The following RNF220 variants were observed in gnomAD, a reference collection of about 807,000 sequenced individuals.
RNF220 encodes the protein ring finger protein 220.
In RNF220, 7 loss-of-function variants were observed where a neutral mutation model predicts 67.1. That is an observed-to-expected ratio of 0.10 (90% CI 0.06 to 0.20). RNF220 has a LOEUF of 0.20. RNF220 is among the 10% of genes least tolerant of loss of function. The pLI, the probability that RNF220 is intolerant of heterozygous loss-of-function variation, is 1.00. For missense variants in RNF220, 565 were observed against 740.3 expected, an observed-to-expected ratio of 0.76 and a Z score of 2.75; for synonymous variants, 270 against 283.2, an observed-to-expected ratio of 0.95 and a Z score of 0.47.
At position 44,547,777 on chromosome 1, in the gene RNF220, G is replaced by A. The variant is rs561587817; in HGVS notation, c.626-66388G>A. Among the ~76,000 whole-genome samples the A allele has an allele frequency of 9.2e-5, 14 of 152,030 alleles. 1 individual carries two copies. In the South Asian group the frequency reaches 1.5e-3, roughly 16 times the overall value. On this transcript the variant is annotated intron_variant, in intron 2 of 14. Transcript: ENST00000361799. ...CAATAGACATCTCAAAATTCAATCC[G>A]CCATGTAGCCCCAACTCCCATGATA...
intron 2 of RNF220, among the ~76,000 whole-genome samples, chr1:44,497,982 A>C (rs937554422): frequency 6.6e-6 from 1 of 152,184 alleles, no homozygotes; most frequent in Non-Finnish European, 1.5e-5. Context: ...TTAAGCAAAA[A>C]CCAGTGGGGA....
intron 2 of RNF220, among the ~76,000 whole-genome samples, chr1:44,491,587 G>T (rs1346510509): frequency 7.9e-5 from 12 of 151,894 alleles, no homozygotes; most frequent in Admixed American, 7.9e-4. Context: ...AATAGAAGGG[G>T]CCTTCCTCCA....
At chr1:44,489,043 A>C (rs1289969044) in intron 2 of RNF220, among the ~76,000 whole-genome samples, 1 of 152,110 alleles carries the variant, frequency 6.6e-6, no homozygotes, top group Non-Finnish European at 1.5e-5. Context: ...ATTCTATTGT[A>C]TTTAATTAAA....
At chr1:44,416,230 C>T (rs1017823518) in intron 2 of RNF220, among the ~76,000 whole-genome samples, 2 of 152,186 alleles carry the variant, frequency 1.3e-5, no homozygotes, top group African/African-American at 4.8e-5. Flanking sequence ...TGAGGTAACT[C>T]CTGCTTATTG....
chr1:44,622,674 G>C lies in RNF220; in HGVS notation c.759-68G>C. ...CCTTCTCTGTCTTTGGGGTCTTCTT[G>C]CTACTCTACCGTTGCATGCCCTGGG... On this transcript the variant is annotated intron_variant, in intron 3 of 14. Coordinates refer to ENST00000361799, the MANE Select transcript of RNF220 (RefSeq NM_018150.4). The surrounding 1 kb of genome is among the most constrained non-coding windows in gnomAD (Gnocchi z 4.3). 1 of 1,424,024 alleles carries C rather than the reference G, an allele frequency of 7.0e-7. No individual in the cohort carries two copies. Among genetic ancestry groups the C allele is most frequent in the Admixed American group, 1.7e-5 (1 of 59,328 alleles). The allele number at this position is 1,424,024 out of a possible 1,614,324, so 88.2% of individuals were successfully genotyped here. A position where few individuals can be genotyped will look rare whatever the true frequency, so the allele number is the denominator to read the frequency against.
At chr1:44,473,710 A>G (rs1157017954) in intron 2 of RNF220, among the ~76,000 whole-genome samples, 3 of 152,160 alleles carry the variant, frequency 2.0e-5, no homozygotes, top group African/African-American at 7.2e-5. Flanking sequence ...CTCTGTAACT[A>G]GGTCAATGGT....
At chr1:44,454,943 A>G (rs890480880) in intron 2 of RNF220, among the ~76,000 whole-genome samples, 2 of 152,218 alleles carry the variant, frequency 1.3e-5, no homozygotes, top group Admixed American at 1.3e-4. Context: ...TTCACCAGTC[A>G]AAGGACATTT....
intron 2 of RNF220, among the ~76,000 whole-genome samples, chr1:44,532,650 A>G (rs1185455597): frequency 1.3e-5 from 2 of 152,220 alleles, no homozygotes; most frequent in Non-Finnish European, 2.9e-5. Context: ...TTGAATTATA[A>G]CAGTGTGCCT....
At chr1:44,589,470 C>T (rs1211896721) in intron 2 of RNF220, among the ~76,000 whole-genome samples, 1 of 152,068 alleles carries the variant, frequency 6.6e-6, no homozygotes, top group Non-Finnish European at 1.5e-5. Context: ...AAAAATTAGC[C>T]AAGCGTGGTG....
At chr1:44,551,094 G>A (rs1010381335) in intron 2 of RNF220, among the ~76,000 whole-genome samples, 1 of 135,788 alleles carries the variant, frequency 7.4e-6, no homozygotes, top group East Asian at 2.1e-4. Context: ...TGTCACCCAA[G>A]TTTACTGTCA....
At chr1:44,633,322 G>C (rs1644225078) in intron 6 of RNF220, among the ~76,000 whole-genome samples, 1 of 152,168 alleles carries the variant, frequency 6.6e-6, no homozygotes. Flanking sequence ...TACACAGCTG[G>C]GATGTAACTG....
intron 2 of RNF220, among the ~76,000 whole-genome samples, chr1:44,507,088 A>G (rs1228137596): frequency 1.3e-5 from 2 of 152,162 alleles, no homozygotes; most frequent in Non-Finnish European, 2.9e-5. Flanking sequence ...ATCTTGGAGC[A>G]GAAAACCAGT....
At chr1:44,585,816 T>A (rs1267540484) in intron 2 of RNF220, among the ~76,000 whole-genome samples, 1 of 152,146 alleles carries the variant, frequency 6.6e-6, no homozygotes, top group Non-Finnish European at 1.5e-5. Context: ...TTGGGAAGAT[T>A]GTTGTGAGAT....
At chr1:44,549,522 G>T (rs1662449217) in intron 2 of RNF220, among the ~76,000 whole-genome samples, 1 of 152,160 alleles carries the variant, frequency 6.6e-6, no homozygotes, top group South Asian at 2.1e-4. Flanking sequence ...GTGTTCACCA[G>T]CCAGCAGGTC....
At chr1:44,465,208 C>G (rs1403385401) in intron 2 of RNF220, among the ~76,000 whole-genome samples, 1 of 151,946 alleles carries the variant, frequency 6.6e-6, no homozygotes, top group Non-Finnish European at 1.5e-5. Context: ...AAAATAAGGA[C>G]ACAGCTCAAA....
At chr1:44,488,727 C>CTTTTT (rs55968850) in intron 2 of RNF220, among the ~76,000 whole-genome samples, 40 of 102,542 alleles carry the variant, frequency 3.9e-4, no homozygotes, top group Non-Finnish European at 5.0e-4. Context: ...TTTCTTTTTT[C>CTTTTT]TTTTTTTTTT....
intron 3 of RNF220, among the ~76,000 whole-genome samples, chr1:44,620,235 G>A (rs892047226): frequency 2.0e-5 from 3 of 152,250 alleles, no homozygotes; most frequent in Admixed American, 2.0e-4. Flanking sequence ...CCATAGAAAT[G>A]TCATTTGACC....
intron 8 of RNF220, chr1:44,643,628 T>C (rs1029072096): frequency 1.3e-5 from 2 of 151,682 alleles, no homozygotes; most frequent in African/African-American, 4.9e-5. Context: ...GAGGAAAGAG[T>C]GGACAAGCAG....
intron 2 of RNF220, among the ~76,000 whole-genome samples, chr1:44,494,205 CAAA>C (rs375116674): frequency 3.3e-5 from 4 of 122,488 alleles, no homozygotes; most frequent in African/African-American, 9.5e-5. Context: ...GAAACTCTGT[CAAA>C]AAAAAAAAAA....
Sources: gnomAD v4.1 joint callset for allele counts (sites outside exome capture counted in the v4.1 genomes callset) on GRCh38, gnomAD v4.1.1 for gene constraint, Gnocchi (gnomAD v3.1) non-coding constraint, MANE v1.5 for transcripts, NCBI Gene and HGNC (gene_info 2026-07-23, HGNC 2026-07-21) for gene names.